The following SDK1 variants were observed in gnomAD, a reference collection of about 807,000 sequenced individuals.
The protein encoded by SDK1 is sidekick cell adhesion molecule 1, also known as protein sidekick-1.
Under a neutral mutation model 245.5 loss-of-function variants are expected in SDK1, and 157 were observed. The observed-to-expected ratio is 0.64, with a 90% confidence interval of 0.56 to 0.73. The LOEUF is 0.73. SDK1 is among the 30% of genes least tolerant of loss of function. The probability of loss-of-function intolerance (pLI) is 0.00; values close to 1 mark genes in which losing one functional copy is unlikely to be tolerated. For missense variants in SDK1, 3,583 were observed against 3,002.3 expected (o/e 1.19, Z -4.52); for synonymous variants, 1,647 against 1,278.5 (o/e 1.29, Z -6.15).
At chr7:4,234,981 C>G (rs142004960) in intron 41 of SDK1, among the ~76,000 whole-genome samples, 2 of 152,322 alleles carry the variant, frequency 1.3e-5, no homozygotes, top group East Asian at 3.9e-4. Context: ...GCTTGAGCTA[C>G]TGACTGCACT....
chr7:3,670,525 A>G (rs1783665870), intron 4 of SDK1, among the ~76,000 whole-genome samples: 1 of 152,212 alleles, frequency 6.6e-6, no homozygotes, highest in Non-Finnish European at 1.5e-5. Flanking sequence ...AAATGCAGTT[A>G]TTAGTCTCAG....
chr7:4,232,337 G>A (rs1785829306), intron 40 of SDK1, among the ~76,000 whole-genome samples: 1 of 145,386 alleles, frequency 6.9e-6, no homozygotes, highest in African/African-American at 2.6e-5. Flanking sequence ...CAGCCCTGAT[G>A]CTATAGTGTC....
chr7:3,521,372 C>T (rs762265638), intron 1 of SDK1, among the ~76,000 whole-genome samples: 15 of 152,132 alleles, frequency 9.9e-5, no homozygotes, highest in African/African-American at 1.7e-4. Flanking sequence ...TCCAGGGATC[C>T]GGAACATGGA....
chr7:3,467,181 T>C (rs1000457375), intron 1 of SDK1, among the ~76,000 whole-genome samples: 1 of 152,142 alleles, frequency 6.6e-6, no homozygotes, highest in African/African-American at 2.4e-5. Context: ...AATAAAAATA[T>C]TTTTCTGTAA....
At chr7:3,744,833 AAAAC>A (rs1048734853) in intron 4 of SDK1, among the ~76,000 whole-genome samples, 5 of 152,102 alleles carry the variant, frequency 3.3e-5, no homozygotes, top group East Asian at 1.9e-4. Flanking sequence ...CAAACAAAAA[AAAAC>A]AAAAAGAAAA....
chr7:3,862,758 T>C (rs1425632611), intron 5 of SDK1, among the ~76,000 whole-genome samples: 1 of 152,194 alleles, frequency 6.6e-6, no homozygotes, highest in Non-Finnish European at 1.5e-5. Flanking sequence ...CAGTGTTCCT[T>C]AGAGCAGCCG....
At chr7:3,766,057 A>G (rs1780243345) in intron 4 of SDK1, among the ~76,000 whole-genome samples, 1 of 152,160 alleles carries the variant, frequency 6.6e-6, no homozygotes, top group African/African-American at 2.4e-5. Context: ...TTATTTTACA[A>G]ATGGCGTTTT....
At chr7:3,454,252 C>A (rs73294811) in intron 1 of SDK1, among the ~76,000 whole-genome samples, 1 of 152,102 alleles carries the variant, frequency 6.6e-6, no homozygotes, top group Non-Finnish European at 1.5e-5. Context: ...AAAATCGATA[C>A]AGCTAGATTA....
chr7:3,769,643 G>C (rs911035587), intron 4 of SDK1, among the ~76,000 whole-genome samples: 2 of 152,058 alleles, frequency 1.3e-5, no homozygotes, highest in African/African-American at 4.8e-5. Context: ...GGAATATCAG[G>C]ACCAGGATAT....
At chr7:3,992,673 G>C (rs111442419) in intron 14 of SDK1, among the ~76,000 whole-genome samples, 2,115 of 152,282 alleles carry the variant, frequency 0.014, 47 homozygotes, top group African/African-American at 0.047. Flanking sequence ...CCTGTGGAGG[G>C]AGACTGTCAG....
At chr7:3,491,387 C>G (rs528690079) in intron 1 of SDK1, among the ~76,000 whole-genome samples, 4 of 152,158 alleles carry the variant, frequency 2.6e-5, no homozygotes, top group Non-Finnish European at 4.4e-5. Context: ...AGTTCCCAAA[C>G]GATGTCAGTG....
At chr7:3,323,533 C>T (rs927422686) in intron 1 of SDK1, among the ~76,000 whole-genome samples, 1 of 152,156 alleles carries the variant, frequency 6.6e-6, no homozygotes, top group African/African-American at 2.4e-5. Flanking sequence ...GACTGAGGCT[C>T]CTGTTTTCTT....
chr7:3,982,982 G>T (rs1350589202), intron 13 of SDK1, among the ~76,000 whole-genome samples: 3 of 152,174 alleles, frequency 2.0e-5, no homozygotes, highest in Non-Finnish European at 4.4e-5. Flanking sequence ...TGCTGCTGAT[G>T]TGGTGGAAAC....
chr7:3,973,856 T>G (rs999977852), intron 12 of SDK1, among the ~76,000 whole-genome samples: 1 of 152,134 alleles, frequency 6.6e-6, no homozygotes, highest in African/African-American at 2.4e-5. Flanking sequence ...CTTTTTTTTA[T>G]TATTTTTTGG....
At chr7:3,729,865 G>A (rs1308389730) in intron 4 of SDK1, among the ~76,000 whole-genome samples, 1 of 151,892 alleles carries the variant, frequency 6.6e-6, no homozygotes, top group Non-Finnish European at 1.5e-5. Context: ...CTAAGATCAA[G>A]TGAAGAACTG....
chr7:3,364,162 G>C (rs1583747995), intron 1 of SDK1, among the ~76,000 whole-genome samples: 1 of 152,068 alleles, frequency 6.6e-6, no homozygotes, highest in Non-Finnish European at 1.5e-5. Context: ...AATTTTAAGA[G>C]TTCTTTATAT....
chr7:3,566,734 AAAAG>A, intron 1 of SDK1, among the ~76,000 whole-genome samples: 1 of 151,930 alleles, frequency 6.6e-6, no homozygotes. Flanking sequence ...AAAAAAAAAA[AAAAG>A]TGATTGCAAT....
At chr7:4,009,905 C>T (rs1276830051) in intron 14 of SDK1, among the ~76,000 whole-genome samples, 1 of 152,112 alleles carries the variant, frequency 6.6e-6, no homozygotes, top group Non-Finnish European at 1.5e-5. Flanking sequence ...CTTACGAATC[C>T]CCGCGGTTGG....
intron 1 of SDK1, among the ~76,000 whole-genome samples, chr7:3,328,324 G>A (rs1388094211): frequency 2.0e-5 from 3 of 151,898 alleles, no homozygotes; most frequent in Non-Finnish European, 4.4e-5. Flanking sequence ...TTATTTTAAG[G>A]TCTACACTTA....
Sources: gnomAD v4.1 joint callset for allele counts (sites outside exome capture counted in the v4.1 genomes callset) on GRCh38, gnomAD v4.1.1 for gene constraint, MANE v1.5 for transcripts, NCBI Gene and HGNC (gene_info 2026-07-23, HGNC 2026-07-21) for gene names.